The following CLN6 variants were observed in gnomAD, a reference collection of about 807,000 sequenced individuals.
CLN6 encodes ceroid-lipofuscinosis neuronal protein 6.
In CLN6, 22 loss-of-function variants were observed where a neutral mutation model predicts 33.3. The ratio of observed to expected loss-of-function variants is 0.66; its 90% CI spans 0.47 to 0.94. The LOEUF (loss-of-function observed/expected upper bound fraction) is 0.94. CLN6 is among the 40% of genes least tolerant of loss of function. CLN6 has a pLI of 0.00. For synonymous variants in CLN6, 201 were observed against 174.6 expected (o/e 1.15, Z -1.19); for missense variants, 387 against 417.1 (o/e 0.93, Z 0.63).
chr15:68,243,174 G>T (rs928735718), intron 1 of CLN6, among the ~76,000 whole-genome samples: 2 of 152,180 alleles, frequency 1.3e-5, no homozygotes, highest in Non-Finnish European at 1.5e-5. Flanking sequence ...AAAACTGAAG[G>T]TTTAAGCAAA....
rs560387994 is a variant in CLN6 at position 68,221,562 on chromosome 15, C to T, written c.84-2912G>A. 2.4e-3 allele frequency among the ~76,000 whole-genome samples: 365 copies of T among 152,250 alleles called. 5 individuals carry two copies. Among genetic ancestry groups the T allele is most frequent in the African/African-American group, 8.4e-3 (347 of 41,554 alleles). On this transcript the variant is annotated intron_variant, in intron 1 of 6. Transcript: ENST00000249806. ...TGTTGCCCAGGCTGGAGTGCAGTGG[C>T]GTGATCTCGGCTCGCTACAACCTCC...
chr15:68,209,764 G>T lies in CLN6; in HGVS notation c.543-5C>A. 6.2e-7 allele frequency: 1 copy of T among 1,612,996 alleles called. No homozygotes were observed. The highest frequency in any genetic ancestry group is 1.1e-5 in the South Asian group (1 of 90,956). On this transcript the variant is annotated splice_polypyrimidine_tract_variant and splice_region_variant and intron_variant, in intron 5 of 6. Transcript: ENST00000249806. This position sits in a 1 kb window ranked among gnomAD's most constrained non-coding sequence, Gnocchi z 4.9. ...ATGAGGAAGAAGGGGATGTACCTGTGACAGGAAGGCCAGTGTCTTAGAGGC... is the reference window on the plus strand; with the variant it reads ...ATGAGGAAGAAGGGGATGTACCTGTTACAGGAAGGCCAGTGTCTTAGAGGC...
chr15:68,233,923 A>G (rs2141158918), upstream of CLN6, among the ~76,000 whole-genome samples: 1 of 152,346 alleles, frequency 6.6e-6, no homozygotes, highest in East Asian at 1.9e-4. The surrounding 1 kb of genome is among the most constrained non-coding windows in gnomAD (Gnocchi z 4.3). Flanking sequence ...TGGCTGAAGA[A>G]GCTGGGAGGG....
intron 3 of CLN6, chr15:68,213,452 G>A (rs1402378995): frequency 6.6e-6 from 1 of 152,108 alleles, no homozygotes; most frequent in South Asian, 2.1e-4. Context: ...ATGTTGGCCA[G>A]GCTGGTCTCG....
At chr15:68,222,635 C>T (rs184749053) in intron 1 of CLN6, among the ~76,000 whole-genome samples, 34 of 152,280 alleles carry the variant, frequency 2.2e-4, no homozygotes, top group Non-Finnish European at 3.5e-4. Flanking sequence ...GAAGAGACAG[C>T]GACCATTGAG....
chr15:68,236,275 GA>G lies in CLN6; in HGVS notation c.180-17626del, dbSNP rs200018217. Reference sequence around the variant, plus strand: ...TTTTAGGTATAGGACCAAGAGCTCTGAAAAAAAAGTCCACAGAAAAACTTAC... The same window carrying G: ...TTTTAGGTATAGGACCAAGAGCTCTGAAAAAAAGTCCACAGAAAAACTTAC... On this transcript the variant is annotated intron_variant, in intron 1 of 6. Transcript: ENST00000538696. This position sits in a 1 kb window ranked among gnomAD's most constrained non-coding sequence, Gnocchi z 4.5. 6.6e-6 allele frequency among the ~76,000 whole-genome samples: 1 copy of G among 151,828 alleles called. No individual in the cohort carries two copies. Among genetic ancestry groups the G allele is most frequent in the African/African-American group, 2.4e-5 (1 of 41,330 alleles).
chr15:68,253,208 G>A (rs1244732057), intron 1 of CLN6, among the ~76,000 whole-genome samples: 3 of 152,186 alleles, frequency 2.0e-5, no homozygotes, highest in Non-Finnish European at 4.4e-5. Context: ...ATTTCCCCAT[G>A]CGGATACATA....
chr15:68,237,065 G>A (rs932777263), intron 1 of CLN6, among the ~76,000 whole-genome samples: 2 of 148,646 alleles, frequency 1.3e-5, no homozygotes, highest in Admixed American at 1.4e-4. Context: ...GCTGAGGCAG[G>A]AGAATGGCGT....
intron 1 of CLN6, among the ~76,000 whole-genome samples, chr15:68,239,103 A>G (rs1170693204): frequency 6.6e-6 from 1 of 152,170 alleles, no homozygotes; most frequent in Non-Finnish European, 1.5e-5. Context: ...CACTAAAAAC[A>G]GAAAATGTGT....
chr15:68,225,659 A>T (rs2093249560), intron 1 of CLN6, among the ~76,000 whole-genome samples: 1 of 152,132 alleles, frequency 6.6e-6, no homozygotes, highest in Admixed American at 6.5e-5. Flanking sequence ...GCTAATTTTT[A>T]AAATTTTTCC....
At position 68,211,853 on chromosome 15, in the gene CLN6, C is replaced by T. The variant is rs154774634; in HGVS notation, c.308G>A (p.Arg103Gln). ...GGAGCGTGGCAGGGTGCGGGGGGAC[C>T]GCTCGATGAGCTGGGGTTCAGAGTG... The part of the protein sequence containing the change: ...TPFLLLKLIE[R>Q]SPRTLPRSIT... Residue 103 changes from arginine (R) to glutamine (Q), a missense_variant, in exon 4 of 7, where the codon CGG becomes CAG. Coordinates refer to ENST00000249806, the MANE Select transcript of CLN6 (RefSeq NM_017882.3). The surrounding 1 kb of genome is among the most constrained non-coding windows in gnomAD (Gnocchi z 5.9). The T allele has an allele frequency of 6.8e-6, 11 of 1,613,410 alleles. No homozygotes were observed. Among genetic ancestry groups the T allele is most frequent in the Admixed American group, 6.7e-5 (4 of 59,984 alleles).
In CLN6 at chr15:68,211,803, AGAT is replaced by A. The variant is rs886051447; in HGVS notation, c.355_357del (p.Ile119del). 4.3e-6 allele frequency: 7 copies of A among 1,613,922 alleles called. No homozygotes were observed. The highest frequency in any genetic ancestry group is 5.9e-6 in the Non-Finnish European group (7 of 1,179,974). On this transcript the variant is annotated inframe_deletion, in exon 4 of 7. Coordinates refer to ENST00000249806, the MANE Select transcript of CLN6 (RefSeq NM_017882.3). This position sits in a 1 kb window ranked among gnomAD's most constrained non-coding sequence, Gnocchi z 5.9. Reference sequence around the variant, plus strand: ...AGGTGGATGCTGGCACCCATGATGAAGATGATGATGCTCACGTACGTGATGGAG... The same window carrying A: ...AGGTGGATGCTGGCACCCATGATGAAGATGATGCTCACGTACGTGATGGAG...
intron 1 of CLN6, among the ~76,000 whole-genome samples, chr15:68,254,031 C>T (rs1892407485): frequency 6.6e-6 from 1 of 152,098 alleles, no homozygotes. Context: ...GCGCCCACCA[C>T]CGCGCCCGGC....
rs1229962763 is a variant in CLN6, at chr15:68,241,789, T to TG, written c.179+14900dup. 1.3e-5 allele frequency among the ~76,000 whole-genome samples: 2 copies of TG among 152,204 alleles called. No individual in the cohort carries two copies. Among genetic ancestry groups the TG allele is most frequent in the African/African-American group, 2.4e-5 (1 of 41,452 alleles). On this transcript the variant is annotated intron_variant, in intron 1 of 6. Coordinates refer to the CLN6 transcript ENST00000538696. The surrounding 1 kb of genome is among the most constrained non-coding windows in gnomAD (Gnocchi z 4.2). ...ATCCATACTGCCAGGATATCTGCTC[T>TG]GGGACCTCCCCCATTTGGAACTTCA... is the stretch of plus-strand genomic sequence containing the variant.
chr15:68,209,513 G>T lies in CLN6; in HGVS notation c.665+124C>A. ...CAGTCCCCACTAGACACAAGAAGAA[G>T]CACGGGCCCAAAGAGGGCCAGTCTC... On this transcript the variant is annotated intron_variant, in intron 6 of 6. Transcript: ENST00000249806. This position sits in a 1 kb window ranked among gnomAD's most constrained non-coding sequence, Gnocchi z 4.9. 2 of 1,348,072 alleles carry T rather than the reference G, an allele frequency of 1.5e-6. No homozygotes were observed. The highest frequency in any genetic ancestry group is 2.1e-6 in the Non-Finnish European group (2 of 956,580). The allele number at this position is 1,348,072 out of a possible 1,614,324, so 83.5% of individuals were successfully genotyped here. A position where few individuals can be genotyped will look rare whatever the true frequency, so the allele number is the denominator to read the frequency against.
At position 68,227,533 on chromosome 15, in the gene CLN6, G is replaced by C. The variant is rs8037734; in HGVS notation, c.83+1969C>G. 6.6e-6 allele frequency among the ~76,000 whole-genome samples: 1 copy of C among 151,818 alleles called. No homozygotes were observed. Among genetic ancestry groups the C allele is most frequent in the African/African-American group, 2.4e-5 (1 of 41,262 alleles). ...TGGGAATGGGCTGAAGCCACATTGT[G>C]GGGGGCAGAGACACCCTGGGAGACA... is the stretch of plus-strand genomic sequence containing the variant. On this transcript the variant is annotated intron_variant, in intron 1 of 6. Coordinates refer to ENST00000249806, the MANE Select transcript of CLN6 (RefSeq NM_017882.3). The surrounding 1 kb of genome is among the most constrained non-coding windows in gnomAD (Gnocchi z 4.1).
Position 68,211,152 on chromosome 15 carries a change from A to G in CLN6, c.542+111T>C. 1.1e-6 allele frequency: 1 copy of G among 922,748 alleles called. No homozygotes were observed. Among genetic ancestry groups the G allele is most frequent in the Non-Finnish European group, 1.8e-6 (1 of 550,768 alleles). The allele number at this position is 922,748 out of a possible 1,614,324, so 57.2% of individuals were successfully genotyped here. On this transcript the variant is annotated intron_variant, in intron 5 of 6. Transcript: ENST00000249806. The surrounding 1 kb of genome is among the most constrained non-coding windows in gnomAD (Gnocchi z 5.9). ...GTGCCTTTACAGGGGATGAGACTCA[A>G]CACATGGAGACCCGCAGCCCAGACA...
rs2093200201 is a variant in CLN6, at chr15:68,209,993, A to C, written c.543-234T>G. Reference sequence around the variant, plus strand: ...GTGAGTCAGAGGCCCAGAGGCATCCACACCGCCCAGGGCACCTCACTCACT... The same window carrying C: ...GTGAGTCAGAGGCCCAGAGGCATCCCCACCGCCCAGGGCACCTCACTCACT... On this transcript the variant is annotated intron_variant, in intron 5 of 6. Coordinates refer to ENST00000249806, the MANE Select transcript of CLN6 (RefSeq NM_017882.3). This position sits in a 1 kb window ranked among gnomAD's most constrained non-coding sequence, Gnocchi z 4.9. Among the ~76,000 whole-genome samples, 1 of 152,152 alleles carries C rather than the reference A, an allele frequency of 6.6e-6. No homozygotes were observed. The highest frequency in any genetic ancestry group is 2.4e-5 in the African/African-American group (1 of 41,436).
intron 1 of CLN6, among the ~76,000 whole-genome samples, chr15:68,223,155 G>A (rs1054560055): frequency 1.3e-4 from 20 of 151,868 alleles, no homozygotes; most frequent in Admixed American, 1.1e-3. Context: ...AAGGATCAGC[G>A]TGGCCTAGGG....
Sources: gnomAD v4.1 joint callset for allele counts (sites outside exome capture counted in the v4.1 genomes callset) on GRCh38, gnomAD v4.1.1 for gene constraint, Gnocchi (gnomAD v3.1) non-coding constraint, MANE v1.5 for transcripts, NCBI Gene and HGNC (gene_info 2026-07-23, HGNC 2026-07-21) for gene names.